Variants in FOCAD observed in about 807,000 individuals in gnomAD.
FOCAD encodes focadhesin.
FOCAD carries 198 observed loss-of-function variants against 225.6 expected under a neutral mutation model. That is an observed-to-expected ratio of 0.88 (90% CI 0.78 to 0.99). FOCAD has a LOEUF of 0.99. Among genes scored for constraint, FOCAD ranks in the 50% least tolerant of loss-of-function variants. The probability of loss-of-function intolerance (pLI) is 0.00; values close to 1 mark genes in which losing one functional copy is unlikely to be tolerated. For synonymous variants in FOCAD, 897 were observed against 755.0 expected (o/e 1.19, Z -3.08); for missense variants, 2,713 against 2,123.6 (o/e 1.28, Z -5.46).
At chr9:20,721,204 A>T (rs1200975457) in intron 4 of FOCAD, among the ~76,000 whole-genome samples, 1 of 152,158 alleles carries the variant, frequency 6.6e-6, no homozygotes, top group Non-Finnish European at 1.5e-5. Context: ...AATTGTCTTG[A>T]TCTATATGTC....
At chr9:20,950,134 A>G (rs1837557647) in intron 33 of FOCAD, among the ~76,000 whole-genome samples, 1 of 151,956 alleles carries the variant, frequency 6.6e-6, no homozygotes, top group Admixed American at 6.6e-5. Context: ...TTGTTTTAAG[A>G]TTTAAAAAAA....
intron 5 of FOCAD, among the ~76,000 whole-genome samples, chr9:20,746,001 G>A (rs528244178): frequency 6.6e-6 from 1 of 152,264 alleles, no homozygotes; most frequent in South Asian, 2.1e-4. Context: ...CCTAAAGGCT[G>A]AGATTTTGTA....
At chr9:20,656,609 T>G (rs2131242896), upstream of FOCAD, among the ~76,000 whole-genome samples, 1 of 151,936 alleles carries the variant, frequency 6.6e-6, no homozygotes, top group South Asian at 2.1e-4. Flanking sequence ...CCCCTGCCTT[T>G]TTTTGTTTTC....
At chr9:20,678,640 A>T (rs1252183244) in intron 2 of FOCAD, among the ~76,000 whole-genome samples, 1 of 152,162 alleles carries the variant, frequency 6.6e-6, no homozygotes, top group African/African-American at 2.4e-5. Flanking sequence ...GCTTCAGGAG[A>T]TCAAGAGAGA....
Position 20,821,030 on chromosome 9 carries a change from G to A in FOCAD, c.1752G>A (p.Leu584=), listed in dbSNP as rs1209717328. 3 of 1,612,610 alleles carry A rather than the reference G, an allele frequency of 1.9e-6. No homozygotes were observed. Among genetic ancestry groups the A allele is most frequent in the Non-Finnish European group, 2.5e-6 (3 of 1,179,136 alleles). ...SVGKEVQWEK[L]IAKAASIRDI... ...GCAAGGAAGTCCAATGGGAGAAACTGATTGCAAAAGCAGCATCAATCAGAG... is the reference window on the plus strand; with the variant it reads ...GCAAGGAAGTCCAATGGGAGAAACTAATTGCAAAAGCAGCATCAATCAGAG... The change falls in exon 14 of 44, where the codon CTG becomes CTA. Residue 584 remains leucine, a synonymous_variant. Coordinates refer to ENST00000338382, the MANE Select transcript of FOCAD (RefSeq NM_001375567.1).
chr9:20,943,495 C>T (rs1040692673), intron 28 of FOCAD, among the ~76,000 whole-genome samples: 2 of 152,136 alleles, frequency 1.3e-5, no homozygotes, highest in Non-Finnish European at 2.9e-5. Flanking sequence ...GCTGGATGCT[C>T]TCTGTGTGAC....
chr9:20,919,989 G>T (rs1010760924), intron 24 of FOCAD, among the ~76,000 whole-genome samples: 1 of 151,870 alleles, frequency 6.6e-6, no homozygotes, highest in Admixed American at 6.6e-5. Context: ...AAGAGCTTCA[G>T]CACAGCAAAA....
intron 32 of FOCAD, among the ~76,000 whole-genome samples, 155 bp downstream of exon 32, chr9:20,949,083 T>C (rs569433444): frequency 6.6e-6 from 1 of 152,334 alleles, no homozygotes; most frequent in East Asian, 1.9e-4. Flanking sequence ...GTATGAATAA[T>C]TGCACTTAAC....
chr9:20,707,596 GA>G (rs1824495954), intron 1 of FOCAD, among the ~76,000 whole-genome samples: 1 of 152,120 alleles, frequency 6.6e-6, no homozygotes, highest in Non-Finnish European at 1.5e-5. Context: ...AAGAAATTAA[GA>G]AAATCATAAA....
intron 21 of FOCAD, among the ~76,000 whole-genome samples, chr9:20,906,937 C>G (rs1163187262): frequency 6.6e-6 from 1 of 151,946 alleles, no homozygotes; most frequent in African/African-American, 2.4e-5. Flanking sequence ...TTACAAAATT[C>G]TAGGCTTACT....
Position 20,740,268 on chromosome 9 carries a change from A to C in FOCAD, c.320A>C (p.His107Pro). Residue 107 changes from histidine (H) to proline (P), a missense_variant, in exon 5 of 44, where the codon CAC becomes CCC. Coordinates refer to ENST00000338382, the MANE Select transcript of FOCAD (RefSeq NM_001375567.1). ...NTHGLIKAIM[H>P]LLQMQALKEG... is the part of the protein sequence containing the mutation. The stretch of plus-strand genomic sequence containing the variant: ...CATGGCTTGATAAAAGCCATTATGC[A>C]CTTACTACAAATGCAAGCTCTTAAG... 6.2e-7 allele frequency: 1 copy of C among 1,612,146 alleles called. No homozygotes were observed. Among genetic ancestry groups the C allele is most frequent in the Non-Finnish European group, 8.5e-7 (1 of 1,178,562 alleles).
intron 1 of FOCAD, among the ~76,000 whole-genome samples, chr9:20,686,511 C>T (rs1268276683): frequency 6.6e-6 from 1 of 152,102 alleles, no homozygotes; most frequent in African/African-American, 2.4e-5. Flanking sequence ...GGGAAAAAAC[C>T]ACAATGAGAA....
chr9:20,966,152 G>A (rs896935207), intron 35 of FOCAD, among the ~76,000 whole-genome samples: 1 of 152,028 alleles, frequency 6.6e-6, no homozygotes, highest in South Asian at 2.1e-4. Context: ...ATTCTTGCAA[G>A]CAATATAGGA....
rs911918895 is a variant in FOCAD at position 20,738,535 on chromosome 9, A to C, written c.288-1701A>C. Among the ~76,000 whole-genome samples, 7 of 152,346 alleles carry C rather than the reference A, an allele frequency of 4.6e-5. No individual in the cohort carries two copies. In the East Asian group the frequency reaches 1.3e-3, roughly 29 times the overall value. ...GACCTCTGTGTTCACCAGAGGATCC[A>C]CACAGGAGAGAAACTATACACATGT... is the stretch of plus-strand genomic sequence containing the variant. On this transcript the variant is annotated intron_variant, in intron 4 of 43. Transcript: ENST00000338382.
chr9:20,801,557 G>A (rs567828628), intron 11 of FOCAD, among the ~76,000 whole-genome samples: 2 of 152,018 alleles, frequency 1.3e-5, no homozygotes, highest in Non-Finnish European at 2.9e-5. Flanking sequence ...GGGAAGAGAG[G>A]CTATACCTTG....
At chr9:20,879,965 C>A (rs1367536502) in intron 19 of FOCAD, among the ~76,000 whole-genome samples, 2 of 152,144 alleles carry the variant, frequency 1.3e-5, no homozygotes, top group African/African-American at 4.8e-5. Context: ...AAATTACTTT[C>A]TTTCATCATA....
At chr9:20,887,594 C>G (rs141526993) in intron 21 of FOCAD, among the ~76,000 whole-genome samples, 1 of 152,244 alleles carries the variant, frequency 6.6e-6, no homozygotes, top group African/African-American at 2.4e-5. Flanking sequence ...GTTGATGGAC[C>G]TTCGGGTTTT....
At chr9:20,757,328 A>G (rs929566847) in intron 5 of FOCAD, among the ~76,000 whole-genome samples, 13 of 152,370 alleles carry the variant, frequency 8.5e-5, no homozygotes, top group South Asian at 6.2e-4. Context: ...CCAATTTACA[A>G]TTATTAGTAG....
Position 20,881,952 on chromosome 9 carries a change from G to A in FOCAD, c.2399G>A (p.Gly800Glu). The part of the protein sequence containing the change: ...PRGIYHSALK[G>E]GARSDQGKTV... ...GGGATATATCACTCTGCATTAAAAG[G>A]AGGTGCCCGCTCAGACCAAGGAAAG... The change falls in exon 20 of 44, where the codon GGA (glycine) becomes GAA (glutamate). Residue 800 changes from glycine (G) to glutamate (E), a missense_variant. Transcript: ENST00000338382. 6.2e-7 allele frequency: 1 copy of A among 1,613,922 alleles called. No individual in the cohort carries two copies. Among genetic ancestry groups the A allele is most frequent in the Non-Finnish European group, 8.5e-7 (1 of 1,179,896 alleles).
Sources: allele counts gnomAD v4.1 joint callset (sites outside exome capture counted in the v4.1 genomes callset), GRCh38; gene constraint gnomAD v4.1.1; transcripts MANE v1.5; gene names NCBI Gene and HGNC (gene_info 2026-07-23, HGNC 2026-07-21).